Variants in CHRNB1 observed in about 807,000 individuals in gnomAD.
CHRNB1 encodes cholinergic receptor nicotinic beta 1 subunit.
In CHRNB1, 47 loss-of-function variants were observed where a neutral mutation model predicts 53.8. The ratio of observed to expected loss-of-function variants is 0.87; its 90% CI spans 0.69 to 1.11. The LOEUF is 1.11. Ranked by LOEUF, CHRNB1 falls within the 50% of genes most tolerant of loss-of-function variation. The pLI, the probability that CHRNB1 is intolerant of heterozygous loss-of-function variation, is 0.00. For missense variants in CHRNB1, 605 were observed against 654.9 expected, an observed-to-expected ratio of 0.92 and a Z score of 0.83; for synonymous variants, 259 against 263.5, an observed-to-expected ratio of 0.98 and a Z score of 0.16.
chr17:7,448,763 C>T lies in CHRNB1; in HGVS notation c.795C>T (p.Phe265=), dbSNP rs777819302. The part of the protein sequence containing the change: ...PCILITLLAI[F]VFYLPPDAGE... ...TCCTCATCACTCTTCTGGCCATCTTCGTCTTCTACCTGCCACCAGATGCAG... is the reference window on the plus strand; with the variant it reads ...TCCTCATCACTCTTCTGGCCATCTTTGTCTTCTACCTGCCACCAGATGCAG... The change falls in exon 7 of 11, where the codon TTC becomes TTT. Residue 265 remains phenylalanine, a synonymous_variant. Coordinates refer to ENST00000306071, the MANE Select transcript of CHRNB1 (RefSeq NM_000747.3). The T allele has an allele frequency of 5.0e-5, 80 of 1,614,094 alleles. No individual in the cohort carries two copies. Among genetic ancestry groups the T allele is most frequent in the Non-Finnish European group, 6.4e-5 (75 of 1,180,038 alleles).
chr17:7,447,743 C>G (rs1908702139), intron 6 of CHRNB1, 93 bp downstream of exon 6: 4 of 1,489,854 alleles, frequency 2.7e-6, no homozygotes, highest in African/African-American at 2.8e-5. Context: ...CAATATAGCC[C>G]TGTGGGGTCA....
intron 7 of CHRNB1, among the ~76,000 whole-genome samples, chr17:7,451,908 CG>C (rs1908901630): frequency 1.3e-5 from 2 of 152,316 alleles, no homozygotes; most frequent in East Asian, 3.9e-4. Context: ...GCCACAGCCC[CG>C]CCGCCACCCA....
Position 7,446,117 on chromosome 17 carries a change from T to A in CHRNB1, c.243+4T>A. 6.2e-7 allele frequency: 1 copy of A among 1,613,496 alleles called. No homozygotes were observed. Among genetic ancestry groups the A allele is most frequent in the Non-Finnish European group, 8.5e-7 (1 of 1,179,368 alleles). On this transcript the variant is annotated splice_donor_region_variant and intron_variant, in intron 3 of 10. Coordinates refer to ENST00000306071, the MANE Select transcript of CHRNB1 (RefSeq NM_000747.3). Reference sequence around the variant, plus strand: ...CACAAAGGTGTACTTAGACCTGGTATGGAGACCCCACGGGGTGGGAAAGGG... The same window carrying A: ...CACAAAGGTGTACTTAGACCTGGTAAGGAGACCCCACGGGGTGGGAAAGGG...
At chr17:7,454,739 A>G (rs1597754509) in intron 8 of CHRNB1, among the ~76,000 whole-genome samples, 4 of 148,624 alleles carry the variant, frequency 2.7e-5, no homozygotes, top group South Asian at 4.3e-4. Context: ...GTTAGGTACT[A>G]TCAGATTGGA....
chr17:7,455,185 C>T (rs988408240), intron 8 of CHRNB1, 99 bp from the exon 9 acceptor site: 1 of 1,323,052 alleles, frequency 7.6e-7, no homozygotes, highest in African/African-American at 1.4e-5. Context: ...CGCACATACT[C>T]ACGCGCGGGA....
At position 7,454,481 on chromosome 17, in the gene CHRNB1, C is replaced by T. The variant is rs369677810; in HGVS notation, c.1005C>T (p.Arg335=). 7 of 1,614,036 alleles carry T rather than the reference C, an allele frequency of 4.3e-6. No homozygotes were observed. The highest frequency in any genetic ancestry group is 1.7e-5 in the Admixed American group (1 of 59,996). The part of the protein sequence containing the change: ...LSVVVLNLHH[R]SPHTHQMPLW... ...TCGTGGTTCTCAACCTGCACCACCGCTCACCCCACACCCACCAAATGCCCC... is the reference window on the plus strand; with the variant it reads ...TCGTGGTTCTCAACCTGCACCACCGTTCACCCCACACCCACCAAATGCCCC... Residue 335 remains arginine (R), a synonymous_variant, in exon 8 of 11, where the codon CGC becomes CGT. Transcript: ENST00000306071.
chr17:7,445,604 A>G lies in CHRNB1; in HGVS notation c.198+195A>G. On this transcript the variant is annotated intron_variant, in intron 2 of 10. Coordinates refer to ENST00000306071, the MANE Select transcript of CHRNB1 (RefSeq NM_000747.3). The surrounding 1 kb of genome is among the most constrained non-coding windows in gnomAD (Gnocchi z 5.7). Reference sequence around the variant, plus strand: ...GGCCGTGGGTGGTGGACGGGCCTGGAGTAGAACTGGGTAGGGTGAAGGACG... The same window carrying G: ...GGCCGTGGGTGGTGGACGGGCCTGGGGTAGAACTGGGTAGGGTGAAGGACG... 6 of 1,463,994 alleles carry G rather than the reference A, an allele frequency of 4.1e-6. No individual in the cohort carries two copies. The South Asian group carries it at 8.2e-5, about 20-fold the overall frequency. The allele number at this position is 1,463,994 out of a possible 1,614,324, so 90.7% of individuals were successfully genotyped here. A position where few individuals can be genotyped will look rare whatever the true frequency, so the allele number is the denominator to read the frequency against.
At position 7,445,336 on chromosome 17, in the gene CHRNB1, T is replaced by C; in HGVS notation, c.125T>C (p.Val42Ala). The C allele has an allele frequency of 1.9e-6, 3 of 1,613,110 alleles. No homozygotes were observed. In the South Asian group the frequency reaches 3.3e-5, roughly 18 times the overall value. ...CTTTTCTCTGGCTATGATAGCTCCG[T>C]GCGGCCAGCGCGGGAGGTGGGAGAC... The part of the protein sequence containing the change: ...EKLFSGYDSS[V>A]RPAREVGDRV... The change falls in exon 2 of 11, where the codon GTG becomes GCG. Residue 42 changes from valine (V) to alanine (A), a missense_variant. Transcript: ENST00000306071. This position sits in a 1 kb window ranked among gnomAD's most constrained non-coding sequence, Gnocchi z 5.7.
At position 7,457,173 on chromosome 17, in the gene CHRNB1, C is replaced by T. The variant is rs1300875049; in HGVS notation, c.*450C>T. 2 of 198,620 alleles carry T rather than the reference C, an allele frequency of 1.0e-5. No homozygotes were observed. The highest frequency in any genetic ancestry group is 2.1e-5 in the Non-Finnish European group (2 of 94,074). The allele number at this position is 198,620 out of a possible 1,614,324, so 12.3% of individuals were successfully genotyped here. A position where few individuals can be genotyped will look rare whatever the true frequency, so the allele number is the denominator to read the frequency against. Reference sequence around the variant, plus strand: ...TCTCTACTAAAAATACAAAATTAGCCAGGTGTGGTGGTACATGCCTGTAAT... The same window carrying T: ...TCTCTACTAAAAATACAAAATTAGCTAGGTGTGGTGGTACATGCCTGTAAT... On this transcript the variant is annotated 3_prime_UTR_variant, in exon 11 of 11. Coordinates refer to ENST00000306071, the MANE Select transcript of CHRNB1 (RefSeq NM_000747.3).
rs749948682 is a variant in CHRNB1 at position 7,448,595 on chromosome 17, G to T, written c.627G>T (p.Glu209Asp). The T allele has an allele frequency of 2.2e-5, 36 of 1,614,022 alleles. No homozygotes were observed. The highest frequency in any genetic ancestry group is 3.4e-6 in the Non-Finnish European group (4 of 1,180,030). The change falls in exon 7 of 11, where the codon GAG (glutamate) becomes GAT (aspartate). Residue 209 changes from glutamate (E) to aspartate (D), a missense_variant. Coordinates refer to ENST00000306071, the MANE Select transcript of CHRNB1 (RefSeq NM_000747.3). ...CATCCCCAGAGAATGGCCAGTGGGA[G>T]ATTATCCACAAGCCCTCTCGGCTAA... is the stretch of plus-strand genomic sequence containing the variant. ...EGTFIENGQW[E>D]IIHKPSRLIQ...
rs1597747178 is a variant in CHRNB1 at position 7,445,215 on chromosome 17, G to A, written c.58+30G>A. ...GTGTAGGCCCCGAAGGGGCAGTGAC[G>A]GGGCCAGCGGTCGTGGCCAGGCACC... On this transcript the variant is annotated intron_variant, in intron 1 of 10. Coordinates refer to ENST00000306071, the MANE Select transcript of CHRNB1 (RefSeq NM_000747.3). The surrounding 1 kb of genome is among the most constrained non-coding windows in gnomAD (Gnocchi z 5.7). 1 of 1,611,384 alleles carries A rather than the reference G, an allele frequency of 6.2e-7. No individual in the cohort carries two copies. Among genetic ancestry groups the A allele is most frequent in the Non-Finnish European group, 8.5e-7 (1 of 1,179,434 alleles).
chr17:7,451,455 A>G (rs1012630709), intron 7 of CHRNB1, among the ~76,000 whole-genome samples: 6 of 150,806 alleles, frequency 4.0e-5, no homozygotes, highest in Admixed American at 1.3e-4. Context: ...TAATTTTTCT[A>G]TTTTTAGTAG....
Position 7,454,185 on chromosome 17 carries a change from C to T in CHRNB1, c.821-112C>T, listed in dbSNP as rs1192670137. Reference sequence around the variant, plus strand: ...AGGACTACAGGTGTGAACCACTGTGCCTGGCTGTAGAAATCTGTCTTTGAA... The same window carrying T: ...AGGACTACAGGTGTGAACCACTGTGTCTGGCTGTAGAAATCTGTCTTTGAA... On this transcript the variant is annotated intron_variant, in intron 7 of 10. Coordinates refer to ENST00000306071, the MANE Select transcript of CHRNB1 (RefSeq NM_000747.3). The T allele has an allele frequency of 5.3e-6, 5 of 941,172 alleles. No individual in the cohort carries two copies. In the East Asian group the frequency reaches 1.2e-4, roughly 23 times the overall value. The allele number at this position is 941,172 out of a possible 1,614,324, so 58.3% of individuals were successfully genotyped here.
chr17:7,456,546 G>T, intron 10 of CHRNB1, 37 bp from the exon 11 acceptor site: 1 of 1,613,616 alleles, frequency 6.2e-7, no homozygotes, highest in South Asian at 1.1e-5. Context: ...GGGGGTCTGG[G>T]CCCAGAGCTC....
intron 7 of CHRNB1, among the ~76,000 whole-genome samples, chr17:7,451,274 C>CTTTTTTTTTTTTTT (rs34769424): frequency 1.1e-4 from 10 of 92,020 alleles, no homozygotes; most frequent in Non-Finnish European, 1.6e-4. Context: ...CTTTTCTTTT[C>CTTTTTTTTTTTTTT]TTTTTTTTTT....
intron 3 of CHRNB1, 38 bp from the exon 4 acceptor site, chr17:7,446,795 T>C: frequency 6.4e-7 from 1 of 1,561,666 alleles, no homozygotes; most frequent in Non-Finnish European, 8.8e-7. Flanking sequence ...CCTCCCGGCC[T>C]CCAACCCGGG....
Position 7,445,076 on chromosome 17 carries a change from C to T in CHRNB1, c.-52C>T. Reference sequence around the variant, plus strand: ...CGGGCTCCTCGTCACTTCCCCTGTGCTGGCGGTCCCAGCGGCTCTCTGAGC... The same window carrying T: ...CGGGCTCCTCGTCACTTCCCCTGTGTTGGCGGTCCCAGCGGCTCTCTGAGC... On this transcript the variant is annotated 5_prime_UTR_variant, in exon 1 of 11. Coordinates refer to ENST00000306071, the MANE Select transcript of CHRNB1 (RefSeq NM_000747.3). The surrounding 1 kb of genome is among the most constrained non-coding windows in gnomAD (Gnocchi z 5.7). The T allele has an allele frequency of 6.3e-7, 1 of 1,582,716 alleles. No homozygotes were observed.
At chr17:7,456,460 G>A in intron 10 of CHRNB1, 123 bp from the exon 11 acceptor site, 3 of 1,264,626 alleles carry the variant, frequency 2.4e-6, no homozygotes, top group Non-Finnish European at 3.4e-6. Context: ...TCCTGTTGGC[G>A]CTGCCGGCTG....
intron 7 of CHRNB1, among the ~76,000 whole-genome samples, chr17:7,452,794 G>A (rs1439855965): frequency 6.6e-6 from 1 of 152,192 alleles, no homozygotes; most frequent in African/African-American, 2.4e-5. Context: ...AGGCTAAGGT[G>A]GGCAGATCCC....
Sources: allele counts gnomAD v4.1 joint callset (sites outside exome capture counted in the v4.1 genomes callset), GRCh38; gene constraint gnomAD v4.1.1; non-coding constraint Gnocchi (gnomAD v3.1); transcripts MANE v1.5; gene names NCBI Gene and HGNC (gene_info 2026-07-23, HGNC 2026-07-21).